The following TGFBR3 variants were observed in gnomAD, a reference collection of about 807,000 sequenced individuals.
TGFBR3 encodes the protein transforming growth factor beta receptor type 3.
Under a neutral mutation model 87.9 loss-of-function variants are expected in TGFBR3, and 46 were observed. The observed-to-expected ratio is 0.52, with a 90% CI of 0.41 to 0.67. The LOEUF is 0.67. Among genes scored for constraint, TGFBR3 ranks in the 30% least tolerant of loss-of-function variants. TGFBR3 has a pLI of 0.00. For synonymous variants in TGFBR3, 381 were observed against 391.6 expected (o/e 0.97, Z 0.32); for missense variants, 866 against 1,041.9 (o/e 0.83, Z 2.32).
intron 2 of TGFBR3, among the ~76,000 whole-genome samples, chr1:91,804,635 A>G (rs1178861873): frequency 1.3e-5 from 2 of 152,020 alleles, no homozygotes; most frequent in Non-Finnish European, 2.9e-5. Flanking sequence ...TCAGATTCTC[A>G]CTTGACCACC....
At chr1:91,885,478 G>T (rs959314833) in intron 1 of TGFBR3, among the ~76,000 whole-genome samples, 4 of 152,146 alleles carry the variant, frequency 2.6e-5, no homozygotes, top group African/African-American at 7.2e-5. Flanking sequence ...CCTGGGCCAC[G>T]GCAATTGACT....
At chr1:91,851,898 C>T (rs1331846618) in intron 2 of TGFBR3, among the ~76,000 whole-genome samples, 1 of 152,198 alleles carries the variant, frequency 6.6e-6, no homozygotes, top group Non-Finnish European at 1.5e-5. Flanking sequence ...TAAACATCCT[C>T]CCCTCCACTA....
chr1:91,684,468 A>C (rs1326621805), intron 16 of TGFBR3, among the ~76,000 whole-genome samples: 1 of 152,230 alleles, frequency 6.6e-6, no homozygotes, highest in Non-Finnish European at 1.5e-5. Context: ...GAAGGGGTTT[A>C]GCTGTTTGCA....
At chr1:91,884,570 G>A (rs1167603033) in intron 1 of TGFBR3, among the ~76,000 whole-genome samples, 1 of 152,190 alleles carries the variant, frequency 6.6e-6, no homozygotes, top group Non-Finnish European at 1.5e-5. Context: ...TGCACTTGCC[G>A]CTCTCCGCTG....
chr1:91,755,446 G>GA (rs1263058481), intron 4 of TGFBR3, among the ~76,000 whole-genome samples: 128 of 152,162 alleles, frequency 8.4e-4, no homozygotes, highest in African/African-American at 3.0e-3. Flanking sequence ...GTGCAGACGG[G>GA]AAAAAAACCG....
chr1:91,705,729 G>A (rs1011490808), intron 14 of TGFBR3, among the ~76,000 whole-genome samples: 6 of 152,156 alleles, frequency 3.9e-5, no homozygotes, highest in Non-Finnish European at 8.8e-5. Context: ...TACAGCCCCT[G>A]GGAAGCTGGC....
At chr1:91,870,434 G>T (rs538707696) in intron 1 of TGFBR3, among the ~76,000 whole-genome samples, 1 of 152,290 alleles carries the variant, frequency 6.6e-6, no homozygotes, top group Admixed American at 6.5e-5. Context: ...CTCAACGACT[G>T]GCCCAGCTTT....
chr1:91,764,428 G>T (rs1458194845), intron 3 of TGFBR3, among the ~76,000 whole-genome samples: 1 of 151,832 alleles, frequency 6.6e-6, no homozygotes, highest in Non-Finnish European at 1.5e-5. Context: ...CTAAATTTGG[G>T]TTGGGGGTTG....
intron 1 of TGFBR3, among the ~76,000 whole-genome samples, chr1:91,900,297 A>G (rs1679684791): frequency 6.6e-6 from 1 of 152,078 alleles, no homozygotes; most frequent in South Asian, 2.1e-4. Flanking sequence ...TATTTTTAGC[A>G]GAGACAGGGT....
chr1:91,786,467 C>T (rs1435981831), intron 3 of TGFBR3, among the ~76,000 whole-genome samples: 2 of 151,966 alleles, frequency 1.3e-5, no homozygotes, highest in African/African-American at 4.8e-5. Flanking sequence ...AGAGAATGGG[C>T]AGGCCAGGTG....
chr1:91,687,061 C>T (rs1671111412), intron 16 of TGFBR3, among the ~76,000 whole-genome samples: 2 of 152,142 alleles, frequency 1.3e-5, no homozygotes, highest in Non-Finnish European at 2.9e-5. Context: ...GCCTGACATA[C>T]TCTGGAGGAG....
chr1:91,821,111 C>T (rs1431084180), intron 2 of TGFBR3, among the ~76,000 whole-genome samples: 1 of 152,044 alleles, frequency 6.6e-6, no homozygotes, highest in Non-Finnish European at 1.5e-5. Flanking sequence ...AGGCAGATCA[C>T]CCAAGGTCAG....
In TGFBR3 at chr1:91,839,732, A is replaced by T. The variant is rs180762989; in HGVS notation, c.61+21739T>A. On this transcript the variant is annotated intron_variant, in intron 2 of 16. Coordinates refer to ENST00000212355, the MANE Select transcript of TGFBR3 (RefSeq NM_003243.5). Reference sequence around the variant, plus strand: ...AAAGACCAGGGAACTGTCAGCCTGGAGGAGGCTAAGGAGACAAGGCGACTA... The same window carrying T: ...AAAGACCAGGGAACTGTCAGCCTGGTGGAGGCTAAGGAGACAAGGCGACTA... Among the ~76,000 whole-genome samples the T allele has an allele frequency of 2.7e-3, 409 of 152,314 alleles. 3 individuals are homozygous for T. Among genetic ancestry groups the T allele is most frequent in the African/African-American group, 9.6e-3 (398 of 41,576 alleles).
At chr1:91,807,658 A>G (rs1257817020) in intron 2 of TGFBR3, among the ~76,000 whole-genome samples, 1 of 152,220 alleles carries the variant, frequency 6.6e-6, no homozygotes, top group Admixed American at 6.5e-5. Context: ...CCACTATACA[A>G]TCTGGACGTG....
intron 1 of TGFBR3, among the ~76,000 whole-genome samples, chr1:91,905,166 T>G (rs1425459790): frequency 6.6e-6 from 1 of 152,214 alleles, no homozygotes; most frequent in Non-Finnish European, 1.5e-5. Flanking sequence ...TGGCATCAGT[T>G]TCTACAGAAT....
At chr1:91,896,011 A>G (rs1412141948) in intron 2 of TGFBR3, among the ~76,000 whole-genome samples, 1 of 152,058 alleles carries the variant, frequency 6.6e-6, no homozygotes, top group African/African-American at 2.4e-5. Context: ...ATCATCTCTA[A>G]CCTAAACAAT....
intron 2 of TGFBR3, among the ~76,000 whole-genome samples, chr1:91,898,042 T>C (rs1241054564): frequency 2.6e-4 from 2 of 7,670 alleles, no homozygotes; most frequent in Admixed American, 5.3e-3. Flanking sequence ...ATGTTTTCAA[T>C]TTAAAAAAAA....
At chr1:91,905,537 ATT>A (rs1679827299) in intron 1 of TGFBR3, among the ~76,000 whole-genome samples, 1 of 152,014 alleles carries the variant, frequency 6.6e-6, no homozygotes, top group African/African-American at 2.4e-5. Context: ...GGTTCAAGCG[ATT>A]CTCGTGCCTC....
chr1:91,715,565 T>C lies in TGFBR3; in HGVS notation c.1866+671A>G, dbSNP rs1672137151. On this transcript the variant is annotated intron_variant, in intron 12 of 16. Transcript: ENST00000212355. ...CACATAATAAATCTGCAGCAAATGT[T>C]AGATGTTGTTATTTCATTATTACCG... 3.9e-5 allele frequency among the ~76,000 whole-genome samples: 6 copies of C among 152,364 alleles called. No homozygotes were observed. The South Asian group carries it at 1.2e-3, about 32-fold the overall frequency.
Sources: gnomAD v4.1 joint callset for allele counts (sites outside exome capture counted in the v4.1 genomes callset) on GRCh38, gnomAD v4.1.1 for gene constraint, MANE v1.5 for transcripts, NCBI Gene and HGNC (gene_info 2026-07-23, HGNC 2026-07-21) for gene names.